Variants in A2ML1 observed in about 807,000 individuals in gnomAD.
A2ML1 encodes the protein alpha-2-macroglobulin like 1, also known as alpha-2-macroglobulin-like protein 1.
Under a neutral mutation model 181.9 loss-of-function variants are expected in A2ML1, and 161 were observed. That is an observed-to-expected ratio of 0.89 (90% CI 0.78 to 1.01). The LOEUF (loss-of-function observed/expected upper bound fraction) is 1.01. Among genes scored for constraint, A2ML1 ranks in the 50% least tolerant of loss-of-function variants. The pLI is 0.00. For synonymous variants in A2ML1, 663 were observed against 666.8 expected, an observed-to-expected ratio of 0.99 and a Z score of 0.09; for missense variants, 1,670 against 1,768.1, an observed-to-expected ratio of 0.94 and a Z score of 1.00.
intron 14 of A2ML1, among the ~76,000 whole-genome samples, chr12:8,847,093 C>G (rs1943713213): frequency 6.9e-6 from 1 of 143,990 alleles, no homozygotes; most frequent in African/African-American, 2.6e-5. Flanking sequence ...CACCACCATG[C>G]CTGGCTTTTT....
At chr12:8,839,309 C>T in intron 10 of A2ML1, 87 bp downstream of exon 10, 3 of 854,102 alleles carry the variant, frequency 3.5e-6, no homozygotes, top group Non-Finnish European at 3.8e-6. Context: ...ACATAGCTAA[C>T]TTAGTGCTGT....
At chr12:8,880,188 A>C (rs1282657990), downstream of A2ML1, among the ~76,000 whole-genome samples, 2 of 143,394 alleles carry the variant, frequency 1.4e-5, no homozygotes, top group South Asian at 2.3e-4. Flanking sequence ...ATATGGTGAA[A>C]CCTCGTCTGT....
rs756747537 is a variant in A2ML1, at chr12:8,851,864, A to G, written c.2315A>G (p.Gln772Arg). 2 of 1,614,180 alleles carry G rather than the reference A, an allele frequency of 1.2e-6. No homozygotes were observed. The highest frequency in any genetic ancestry group is 1.1e-5 in the South Asian group (1 of 91,086). ...EWKAMSFCTS[Q>R]SRGFGLSPTV... Reference sequence around the variant, plus strand: ...AAGGCGATGAGTTTCTGCACTTCCCAGTCAAGAGGCTTCGGGCTTTCACCC... The same window carrying G: ...AAGGCGATGAGTTTCTGCACTTCCCGGTCAAGAGGCTTCGGGCTTTCACCC... Residue 772 changes from glutamine (Q) to arginine (R), a missense_variant, in exon 19 of 36, where the codon CAG (glutamine) becomes CGG (arginine). By Grantham distance (43) the Gln-to-Arg change is conservative. Transcript: ENST00000299698.
intron 3 of A2ML1, 131 bp downstream of exon 3, chr12:8,824,013 G>A (rs1942839365): frequency 1.9e-6 from 2 of 1,033,582 alleles, no homozygotes; most frequent in Non-Finnish European, 2.7e-6. Context: ...AATCTGGGGG[G>A]ATTAAGTAGT....
chr12:8,852,025 G>A lies in A2ML1; in HGVS notation c.2463+13G>A, dbSNP rs151032368. ...GGATTGCATCAGGGTGAGAGCTGGGGATACAGGAATCAGGTGTCAGCCCTG... is the reference window on the plus strand; with the variant it reads ...GGATTGCATCAGGGTGAGAGCTGGGAATACAGGAATCAGGTGTCAGCCCTG... On this transcript the variant is annotated intron_variant, in intron 19 of 35. Transcript: ENST00000299698. This position sits in a 1 kb window ranked among gnomAD's most constrained non-coding sequence, Gnocchi z 4.2. 6.2e-7 allele frequency: 1 copy of A among 1,612,614 alleles called. No homozygotes were observed. Among genetic ancestry groups the A allele is most frequent in the African/African-American group, 1.3e-5 (1 of 74,996 alleles).
chr12:8,887,289 C>G (rs1157324991), downstream of A2ML1, among the ~76,000 whole-genome samples: 5 of 152,088 alleles, frequency 3.3e-5, no homozygotes, highest in East Asian at 1.9e-4. Flanking sequence ...CATGAAGTAG[C>G]CCCCCTGAAA....
chr12:8,882,400 CTTTTT>C (rs948976902), intron 7 of A2ML1, among the ~76,000 whole-genome samples: 1 of 152,048 alleles, frequency 6.6e-6, no homozygotes, highest in South Asian at 2.1e-4. Context: ...AAGAATCCTA[CTTTTT>C]TTTCTTTCTA....
In A2ML1 at chr12:8,835,503, A is replaced by C. The variant is rs1238162162; in HGVS notation, c.484-4A>C. On this transcript the variant is annotated splice_region_variant and splice_polypyrimidine_tract_variant and intron_variant, in intron 5 of 35. Coordinates refer to ENST00000299698, the MANE Select transcript of A2ML1 (RefSeq NM_144670.6). ...GCACATCATGCAGTTTCTCTATTGGACAGGATCCAAATAGCAACAGGATTG... is the reference window on the plus strand; with the variant it reads ...GCACATCATGCAGTTTCTCTATTGGCCAGGATCCAAATAGCAACAGGATTG... 6.2e-7 allele frequency: 1 copy of C among 1,614,030 alleles called. No individual in the cohort carries two copies. The highest frequency in any genetic ancestry group is 1.3e-5 in the African/African-American group (1 of 75,032).
In A2ML1 at chr12:8,829,654, CAAAA is replaced by C. The variant is rs778132993; in HGVS notation, c.410-54_410-51del. 14,367 of 1,094,532 alleles carry C rather than the reference CAAAA, an allele frequency of 0.013. 81 individuals carry two copies. Among genetic ancestry groups the C allele is most frequent in the African/African-American group, 0.08 (3,935 of 49,184 alleles). 67.8% of individuals were successfully genotyped at this position (1,094,532 alleles called of 1,614,324 possible). ...TGGGTGACAGAGTGAGACCCTGTAT[CAAAA>C]AAAAAAAAAAAAAAAAAATTCTGAG... On this transcript the variant is annotated intron_variant, in intron 3 of 35. Coordinates refer to ENST00000299698, the MANE Select transcript of A2ML1 (RefSeq NM_144670.6).
intron 18 of A2ML1, among the ~76,000 whole-genome samples, chr12:8,850,833 G>C (rs761756297): frequency 6.6e-6 from 1 of 152,090 alleles, no homozygotes; most frequent in African/African-American, 2.4e-5. Context: ...CAACCTCCTA[G>C]GTTCAAGCAA....
At chr12:8,839,064 T>C in intron 9 of A2ML1, 49 bp from the exon 10 acceptor site, 1 of 1,247,266 alleles carries the variant, frequency 8.0e-7, no homozygotes, top group Non-Finnish European at 1.1e-6. Flanking sequence ...AACGTGAAGA[T>C]GAGAATATCA....
rs148198269 is a variant in A2ML1, at chr12:8,849,672, G to T, written c.2032G>T (p.Val678Leu). 847 of 1,613,854 alleles carry T rather than the reference G, an allele frequency of 5.2e-4. 9 individuals are homozygous for T. The African/African-American group carries it at 0.01, about 19-fold the overall frequency. The change falls in exon 17 of 36, where the codon GTG (valine) becomes TTG (leucine). Residue 678 changes from valine to leucine, a missense_variant. Coordinates refer to ENST00000299698, the MANE Select transcript of A2ML1 (RefSeq NM_144670.6). ...TTATTTCTCTGATGCCTATCAGGAC[G>T]TGGGCCTGAAAATACTGTCCAATGC... is the stretch of plus-strand genomic sequence containing the variant. ...GTDLFSFFRD[V>L]GLKILSNAKI...
Position 8,857,238 on chromosome 12 carries a change from A to C in A2ML1, c.2923A>C (p.Met975Leu), listed in dbSNP as rs773352640. 3 of 1,613,370 alleles carry C rather than the reference A, an allele frequency of 1.9e-6. No individual in the cohort carries two copies. The highest frequency in any genetic ancestry group is 2.2e-5 in the South Asian group (2 of 91,048). ...QMPSGCGEQN[M>L]VLFAPIIYVL... ...GCCCAGTGGCTGTGGCGAGCAGAAC[A>C]TGGTCTTGTTTGCTCCCATCATCTA... Residue 975 changes from methionine to leucine, a missense_variant, in exon 24 of 36, where the codon ATG becomes CTG. Physicochemically the swap from Met to Leu is conservative, Grantham distance 15 (BLOSUM62 2). Transcript: ENST00000299698.
chr12:8,840,946 A>AGAAG (rs1357677601), intron 10 of A2ML1, among the ~76,000 whole-genome samples: 1 of 135,256 alleles, frequency 7.4e-6, no homozygotes, highest in East Asian at 2.3e-4. Context: ...AAGGAAGGAA[A>AGAAG]GAAGGAAGGA....
At position 8,868,357 on chromosome 12, in the gene A2ML1, G is replaced by C; in HGVS notation, c.4061G>C (p.Ser1354Thr). The C allele has an allele frequency of 6.2e-7, 1 of 1,611,206 alleles. No homozygotes were observed. Among genetic ancestry groups the C allele is most frequent in the Non-Finnish European group, 8.5e-7 (1 of 1,179,206 alleles). Residue 1354 changes from serine to threonine, a missense_variant and splice_region_variant, in exon 31 of 36, where the codon AGT becomes ACT. Ser to Thr is a moderately conservative substitution (Grantham distance 58). Coordinates refer to ENST00000299698, the MANE Select transcript of A2ML1 (RefSeq NM_144670.6). ...TCCTTGACTCTCACTATTCACACCAGGTGATTAAAGCTGGGGTGCTGGTGG... is the reference window on the plus strand; with the variant it reads ...TCCTTGACTCTCACTATTCACACCACGTGATTAAAGCTGGGGTGCTGGTGG... Reference protein sequence around the residue: ...PRSLTLTIHTSYVGSRSSSNM... With the variant: ...PRSLTLTIHTTYVGSRSSSNM...
At chr12:8,836,482 T>A in intron 7 of A2ML1, 143 bp downstream of exon 7, 1 of 49,948 alleles carries the variant, frequency 2.0e-5, no homozygotes. Context: ...ATCCAAGACC[T>A]TTTTTTTTTT....
At chr12:8,835,198 T>C (rs1466870157) in intron 5 of A2ML1, among the ~76,000 whole-genome samples, 2 of 152,222 alleles carry the variant, frequency 1.3e-5, no homozygotes, top group African/African-American at 2.4e-5. Context: ...GAGTAAACAT[T>C]CTTTGTAAAT....
intron 29 of A2ML1, 23 bp downstream of exon 29, chr12:8,864,031 G>A (rs926322235): frequency 5.1e-5 from 81 of 1,596,836 alleles, no homozygotes; most frequent in Non-Finnish European, 6.7e-5. Flanking sequence ...TTCTCCCACT[G>A]CCACTTATCA....
chr12:8,833,471 C>T (rs997243563), intron 4 of A2ML1, among the ~76,000 whole-genome samples: 3 of 152,150 alleles, frequency 2.0e-5, no homozygotes, highest in Non-Finnish European at 4.4e-5. Flanking sequence ...GATCCCGGCT[C>T]AAGCAACCTC....
Sources: gnomAD v4.1 joint callset for allele counts (sites outside exome capture counted in the v4.1 genomes callset) on GRCh38, gnomAD v4.1.1 for gene constraint, Gnocchi (gnomAD v3.1) non-coding constraint, MANE v1.5 for transcripts, NCBI Gene and HGNC (gene_info 2026-07-23, HGNC 2026-07-21) for gene names.